PRKG1: variants seen among roughly 807,000 people sequenced by gnomAD.
The protein encoded by PRKG1 is cGMP-dependent protein kinase 1.
PRKG1 carries 35 observed loss-of-function variants against 88.1 expected under a neutral mutation model. That is an observed-to-expected ratio of 0.40 (90% confidence interval 0.30 to 0.53). The LOEUF (loss-of-function observed/expected upper bound fraction) is 0.53. Among genes scored for constraint, PRKG1 ranks in the 20% least tolerant of loss-of-function variants. The pLI, the probability that PRKG1 is intolerant of heterozygous loss-of-function variation, is 0.59. For synonymous variants in PRKG1, 303 were observed against 292.5 expected, an observed-to-expected ratio of 1.04 and a Z score of -0.37; for missense variants, 540 against 839.8, an observed-to-expected ratio of 0.64 and a Z score of 4.41.
chr10:51,429,491 C>CT (rs772737703), intron 2 of PRKG1, among the ~76,000 whole-genome samples: 1 of 152,032 alleles, frequency 6.6e-6, no homozygotes, highest in Non-Finnish European at 1.5e-5. Context: ...GAAACTGACT[C>CT]TAAGGGTCCC....
At chr10:51,814,872 C>T (rs917128041) in intron 4 of PRKG1, among the ~76,000 whole-genome samples, 1 of 152,100 alleles carries the variant, frequency 6.6e-6, no homozygotes, top group African/African-American at 2.4e-5. Context: ...GTTACTTTCA[C>T]CTCCATACAT....
chr10:52,150,051 G>A (rs549450029), intron 8 of PRKG1, among the ~76,000 whole-genome samples: 5 of 151,748 alleles, frequency 3.3e-5, no homozygotes, highest in African/African-American at 1.2e-4. Context: ...AGGAGGCTGA[G>A]ACAGGAAAAT....
At chr10:51,124,626 C>G (rs1589170453) in intron 1 of PRKG1, among the ~76,000 whole-genome samples, 3 of 152,234 alleles carry the variant, frequency 2.0e-5, no homozygotes, top group Admixed American at 6.5e-5. Flanking sequence ...ATATATGAAG[C>G]TTTTATGTAT....
intron 2 of PRKG1, among the ~76,000 whole-genome samples, chr10:51,388,180 A>G (rs984891703): frequency 2.6e-4 from 40 of 152,266 alleles, no homozygotes; most frequent in Non-Finnish European, 8.8e-5. Context: ...GAATTGGGAC[A>G]CTTTCTTTTC....
chr10:52,176,711 G>A (rs765090443), intron 9 of PRKG1, among the ~76,000 whole-genome samples: 26 of 151,912 alleles, frequency 1.7e-4, no homozygotes, highest in Middle Eastern at 3.2e-3. Flanking sequence ...TGGGGTTTTC[G>A]TTGTAGAGGA....
chr10:51,245,942 A>G (rs1470470534), intron 2 of PRKG1: 1 of 152,146 alleles, frequency 6.6e-6, no homozygotes. Context: ...ATACTTAGAT[A>G]ATAGCAAACA....
chr10:51,630,446 G>T (rs762255805), intron 3 of PRKG1, among the ~76,000 whole-genome samples: 1 of 152,162 alleles, frequency 6.6e-6, no homozygotes, highest in Non-Finnish European at 1.5e-5. Context: ...ACCAGTCATG[G>T]CAGCTGCTCT....
chr10:51,220,213 G>A (rs1838491553), intron 2 of PRKG1, among the ~76,000 whole-genome samples: 1 of 152,134 alleles, frequency 6.6e-6, no homozygotes, highest in Non-Finnish European at 1.5e-5. Flanking sequence ...AAGGACCACA[G>A]TCCTATAGCC....
intron 5 of PRKG1, among the ~76,000 whole-genome samples, chr10:52,033,508 T>A (rs1192104518): frequency 6.6e-6 from 1 of 152,200 alleles, no homozygotes; most frequent in Non-Finnish European, 1.5e-5. Context: ...TATGTTTATA[T>A]CACCTTTTTA....
At chr10:51,562,483 A>G in intron 3 of PRKG1, among the ~76,000 whole-genome samples, 1 of 152,096 alleles carries the variant, frequency 6.6e-6, no homozygotes, top group Non-Finnish European at 1.5e-5. Context: ...ATCCATAGAT[A>G]CGTGTGCATC....
At chr10:52,264,327 C>T (rs936566155) in intron 10 of PRKG1, among the ~76,000 whole-genome samples, 4 of 152,084 alleles carry the variant, frequency 2.6e-5, no homozygotes, top group South Asian at 2.1e-4. Context: ...CCCTTTGGCC[C>T]GGTTAATCTA....
intron 5 of PRKG1, among the ~76,000 whole-genome samples, chr10:51,983,335 C>T (rs1464972467): frequency 6.6e-6 from 1 of 152,084 alleles, no homozygotes; most frequent in East Asian, 1.9e-4. Context: ...TGGGAGGTGG[C>T]CATGGGGAGG....
intron 3 of PRKG1, among the ~76,000 whole-genome samples, chr10:51,666,324 T>A (rs1840422112): frequency 6.6e-6 from 1 of 152,146 alleles, no homozygotes; most frequent in South Asian, 2.1e-4. Flanking sequence ...CCCTTGATGG[T>A]TTTTGACACA....
chr10:51,630,703 C>G (rs1164253017), intron 3 of PRKG1, among the ~76,000 whole-genome samples: 1 of 152,216 alleles, frequency 6.6e-6, no homozygotes, highest in Non-Finnish European at 1.5e-5. Flanking sequence ...TCAGTATCCT[C>G]TGCTATTCAT....
At chr10:51,606,611 T>C (rs1233134159) in intron 3 of PRKG1, among the ~76,000 whole-genome samples, 1 of 152,150 alleles carries the variant, frequency 6.6e-6, no homozygotes, top group Admixed American at 6.5e-5. Flanking sequence ...AGAGAATATT[T>C]AAAATACTCA....
intron 1 of PRKG1, among the ~76,000 whole-genome samples, chr10:51,000,604 C>T (rs1479932501): frequency 6.6e-6 from 1 of 152,264 alleles, no homozygotes; most frequent in Non-Finnish European, 1.5e-5. Context: ...AGGGATGCTT[C>T]TATGTGGTAG....
At chr10:52,098,574 G>T (rs1476947253) in intron 7 of PRKG1, among the ~76,000 whole-genome samples, 1 of 152,208 alleles carries the variant, frequency 6.6e-6, no homozygotes, top group Non-Finnish European at 1.5e-5. Flanking sequence ...ACTTGGGGAG[G>T]CCGAGAGAGG....
intron 7 of PRKG1, among the ~76,000 whole-genome samples, chr10:52,068,719 T>A (rs147371088): frequency 2.4e-4 from 36 of 152,336 alleles, no homozygotes; most frequent in Admixed American, 6.5e-4. Flanking sequence ...AGCACTGTTC[T>A]GCTACCACTT....
intron 5 of PRKG1, among the ~76,000 whole-genome samples, chr10:51,934,266 A>C (rs57940938): frequency 0.29 from 41,615 of 142,902 alleles, 6,323 homozygotes; most frequent in East Asian, 0.42. Flanking sequence ...CCCCCCCCCA[A>C]CACCGCCCAC....
Sources: allele counts gnomAD v4.1 joint callset (sites outside exome capture counted in the v4.1 genomes callset), GRCh38; gene constraint gnomAD v4.1.1; transcripts MANE v1.5; gene names NCBI Gene and HGNC (gene_info 2026-07-23, HGNC 2026-07-21).